DPYD: variants seen among roughly 807,000 people sequenced by gnomAD.
DPYD encodes dihydropyrimidine dehydrogenase [NADP(+)].
Under a neutral mutation model 116.2 loss-of-function variants are expected in DPYD, and 109 were observed. That is an observed-to-expected ratio of 0.94 (90% CI 0.80 to 1.10). The LOEUF is 1.10. DPYD is among the 50% of genes least tolerant of loss of function. DPYD has a pLI of 0.00. For synonymous variants in DPYD, 440 were observed against 432.0 expected (o/e 1.02, Z -0.23); for missense variants, 1,302 against 1,254.5 (o/e 1.04, Z -0.57).
intron 6 of DPYD, among the ~76,000 whole-genome samples, chr1:97,692,733 G>T (rs1451859762): frequency 6.6e-6 from 1 of 152,098 alleles, no homozygotes; most frequent in Non-Finnish European, 1.5e-5. Context: ...ATACACAAAA[G>T]ATAATTACAT....
intron 3 of DPYD, among the ~76,000 whole-genome samples, chr1:97,782,181 C>G (rs1268734490): frequency 1.3e-5 from 2 of 152,208 alleles, no homozygotes; most frequent in Non-Finnish European, 2.9e-5. Flanking sequence ...CTAATAGATA[C>G]ATGATTAAAC....
At chr1:97,371,198 G>GA (rs1359079577) in intron 16 of DPYD, among the ~76,000 whole-genome samples, 1 of 151,968 alleles carries the variant, frequency 6.6e-6, no homozygotes, top group Non-Finnish European at 1.5e-5. Flanking sequence ...AGATAAAGGA[G>GA]AAAAAAATCA....
chr1:97,136,286 T>C (rs1570527173), intron 20 of DPYD, among the ~76,000 whole-genome samples: 1 of 152,204 alleles, frequency 6.6e-6, no homozygotes, highest in Non-Finnish European at 1.5e-5. Context: ...GAGCACTCAT[T>C]GTGCTATGCT....
At chr1:97,126,137 C>A (rs56412088) in intron 20 of DPYD, among the ~76,000 whole-genome samples, 44,041 of 151,876 alleles carry the variant, frequency 0.29, 6,824 homozygotes, top group Middle Eastern at 0.41. Flanking sequence ...ATTTGCTGTG[C>A]GTGTGAGGCT....
intron 8 of DPYD, among the ~76,000 whole-genome samples, chr1:97,667,690 T>A (rs1009924410): frequency 1.3e-5 from 2 of 152,126 alleles, no homozygotes; most frequent in African/African-American, 2.4e-5. Context: ...GTTGCCAAAT[T>A]ATCTAGCAAT....
intron 20 of DPYD, among the ~76,000 whole-genome samples, chr1:97,134,012 AAAAT>A (rs1653563734): frequency 2.0e-5 from 1 of 48,842 alleles, no homozygotes; most frequent in Non-Finnish European, 3.8e-5. Flanking sequence ...AAAAAAAAAA[AAAAT>A]ATATATATAT....
chr1:97,846,575 T>C (rs557658975), intron 2 of DPYD, among the ~76,000 whole-genome samples: 1 of 152,316 alleles, frequency 6.6e-6, no homozygotes, highest in South Asian at 2.1e-4. Flanking sequence ...ACCTAGTTGG[T>C]GTCCTCAGAG....
At chr1:97,673,722 G>T (rs1237357149) in intron 8 of DPYD, among the ~76,000 whole-genome samples, 1 of 152,152 alleles carries the variant, frequency 6.6e-6, no homozygotes, top group Non-Finnish European at 1.5e-5. Flanking sequence ...CACAGAGTTT[G>T]TGTGGGGTGG....
intron 10 of DPYD, among the ~76,000 whole-genome samples, chr1:97,592,480 C>T (rs1487271081): frequency 1.3e-5 from 2 of 152,188 alleles, no homozygotes; most frequent in Non-Finnish European, 2.9e-5. Flanking sequence ...CATTCTCCTG[C>T]CTCAGCCTCC....
intron 18 of DPYD, among the ~76,000 whole-genome samples, chr1:97,257,732 A>AT (rs1400822020): frequency 2.0e-5 from 3 of 152,220 alleles, no homozygotes; most frequent in Middle Eastern, 3.4e-3. Flanking sequence ...CATTCATTAA[A>AT]TAAGTAGACA....
At chr1:97,601,368 C>T (rs1039745195) in intron 8 of DPYD, among the ~76,000 whole-genome samples, 2 of 151,914 alleles carry the variant, frequency 1.3e-5, no homozygotes, top group Admixed American at 6.6e-5. Flanking sequence ...ATAATAAACA[C>T]TTTCAAATAA....
At chr1:97,129,764 T>C (rs1451966353) in intron 20 of DPYD, among the ~76,000 whole-genome samples, 2 of 152,206 alleles carry the variant, frequency 1.3e-5, no homozygotes, top group African/African-American at 2.4e-5. Flanking sequence ...TTGCATCCTA[T>C]TGTAGCATTT....
chr1:97,140,029 T>G (rs1313831686), intron 20 of DPYD, among the ~76,000 whole-genome samples: 2 of 151,976 alleles, frequency 1.3e-5, no homozygotes, highest in Admixed American at 1.3e-4. Flanking sequence ...GACATTTTTT[T>G]TTTTTTTTAC....
intron 4 of DPYD, 84 bp downstream of exon 4, chr1:97,740,308 A>G: frequency 8.6e-7 from 1 of 1,167,948 alleles, no homozygotes; most frequent in Non-Finnish European, 1.3e-6. Flanking sequence ...ATTTGCTAAG[A>G]CAAGCTGTAT....
intron 13 of DPYD, among the ~76,000 whole-genome samples, chr1:97,512,842 T>C (rs1647906486): frequency 6.6e-6 from 1 of 151,882 alleles, no homozygotes. Context: ...CTTTACTATC[T>C]TTATAAAACA....
At chr1:97,460,486 G>C (rs1478776596) in intron 13 of DPYD, among the ~76,000 whole-genome samples, 1 of 151,998 alleles carries the variant, frequency 6.6e-6, no homozygotes, top group Non-Finnish European at 1.5e-5. Context: ...AGAGGCATTG[G>C]GGCTCAAAAA....
chr1:97,891,834 ATAGTG>A (rs1672795125), intron 1 of DPYD, among the ~76,000 whole-genome samples: 1 of 151,910 alleles, frequency 6.6e-6, no homozygotes, highest in African/African-American at 2.4e-5. Flanking sequence ...TTATCCAAAC[ATAGTG>A]TACCATTAAG....
At chr1:97,209,960 A>G (rs1320400559) in intron 19 of DPYD, among the ~76,000 whole-genome samples, 1 of 152,160 alleles carries the variant, frequency 6.6e-6, no homozygotes, top group Non-Finnish European at 1.5e-5. Flanking sequence ...CCTGGTTCAT[A>G]TCTGCCAAAC....
chr1:97,721,548 G>A lies in DPYD; in HGVS notation c.445C>T (p.Pro149Ser). 1.2e-6 allele frequency: 2 copies of A among 1,611,644 alleles called. No individual in the cohort carries two copies. The highest frequency in any genetic ancestry group is 8.5e-7 in the Non-Finnish European group (1 of 1,178,356). Reference sequence around the variant, plus strand: ...TGCTGCAATCCACCAATATTAATGGGTCCCTCTTCAGTGGCATATAAATTG... The same window carrying A: ...TGCTGCAATCCACCAATATTAATGGATCCCTCTTCAGTGGCATATAAATTG... The part of the protein sequence containing the change: ...GCNLYATEEG[P>S]INIGGLQQFA... Residue 149 changes from proline (P) to serine (S), a missense_variant, in exon 5 of 23, where the codon CCC becomes TCC. Physicochemically the swap from Pro to Ser is moderately conservative, Grantham distance 74. Transcript: ENST00000370192.
Sources: gnomAD v4.1 joint callset for allele counts (sites outside exome capture counted in the v4.1 genomes callset) on GRCh38, gnomAD v4.1.1 for gene constraint, MANE v1.5 for transcripts, NCBI Gene and HGNC (gene_info 2026-07-23, HGNC 2026-07-21) for gene names.